The following MARK3 variants were observed in gnomAD, a reference collection of about 807,000 sequenced individuals.
The protein encoded by MARK3 is microtubule affinity regulating kinase 3.
Under a neutral mutation model 90.1 loss-of-function variants are expected in MARK3, and 46 were observed. The ratio of observed to expected loss-of-function variants is 0.51; its 90% CI spans 0.40 to 0.65. The LOEUF (loss-of-function observed/expected upper bound fraction) is 0.65, where lower values mean the gene tolerates loss of function less well. MARK3 is among the 30% of genes least tolerant of loss of function. The pLI is 0.00. For missense variants in MARK3, 818 were observed against 947.2 expected (o/e 0.86, Z 1.79); for synonymous variants, 321 against 332.6 (o/e 0.97, Z 0.38).
At chr14:103,398,208 G>A (rs2140537435) in intron 1 of MARK3, among the ~76,000 whole-genome samples, 1 of 152,302 alleles carries the variant, frequency 6.6e-6, no homozygotes, top group East Asian at 1.9e-4. Flanking sequence ...CAATGTAAGA[G>A]TTTCTTTGGG....
rs539905901 is a variant in MARK3, at chr14:103,388,534, T to G, written c.51+2454T>G. 2.0e-5 allele frequency among the ~76,000 whole-genome samples: 3 copies of G among 152,344 alleles called. No individual in the cohort carries two copies. In the East Asian group the frequency reaches 5.8e-4, roughly 29 times the overall value. On this transcript the variant is annotated intron_variant, in intron 1 of 17. Transcript: ENST00000429436. The stretch of plus-strand genomic sequence containing the variant: ...GAACCTTTTTTCTTAAAGTTAGGTT[T>G]GTTGAGATGTAATGTTCATCTGTTT...
At chr14:103,399,332 C>T (rs186006857) in intron 1 of MARK3, among the ~76,000 whole-genome samples, 5 of 152,186 alleles carry the variant, frequency 3.3e-5, no homozygotes, top group Admixed American at 2.6e-4. Context: ...GTTGATATGG[C>T]CCCTATGTCA....
chr14:103,421,074 C>T (rs1006833048), intron 2 of MARK3, among the ~76,000 whole-genome samples: 2 of 152,152 alleles, frequency 1.3e-5, no homozygotes, highest in Non-Finnish European at 2.9e-5. Flanking sequence ...AAACTCTGGA[C>T]AGTTGAGTTT....
At chr14:103,484,369 G>A (rs2093884790) in intron 14 of MARK3, among the ~76,000 whole-genome samples, 1 of 151,956 alleles carries the variant, frequency 6.6e-6, no homozygotes, top group Non-Finnish European at 1.5e-5. Context: ...TAGAAATGGG[G>A]TTTCACTAGG....
intron 14 of MARK3, among the ~76,000 whole-genome samples, chr14:103,483,780 A>T (rs942412354): frequency 6.6e-6 from 1 of 152,234 alleles, no homozygotes; most frequent in Non-Finnish European, 1.5e-5. Context: ...GCCAGATTCC[A>T]GGCGTGACTA....
intron 6 of MARK3, among the ~76,000 whole-genome samples, chr14:103,460,103 T>TTTTTTTG (rs1338684666): frequency 1.8e-5 from 2 of 110,480 alleles, no homozygotes; most frequent in African/African-American, 7.3e-5. Flanking sequence ...TTTTTTTTTT[T>TTTTTTTG]TGAGACAAAT....
At chr14:103,397,561 G>A (rs775290016) in intron 1 of MARK3, among the ~76,000 whole-genome samples, 1 of 151,952 alleles carries the variant, frequency 6.6e-6, no homozygotes, top group African/African-American at 2.4e-5. Context: ...TCCTGACCTT[G>A]TGATCCTCCT....
chr14:103,500,287 ACTGTATTCCTG>A, intron 17 of MARK3, 87 bp downstream of exon 17: 6 of 985,282 alleles, frequency 6.1e-6, no homozygotes, highest in Non-Finnish European at 9.0e-6. Context: ...AATGTTCCCT[ACTGTATTCCTG>A]CTGTCTCTGT....
At chr14:103,434,878 T>C (rs751981671) in intron 3 of MARK3, among the ~76,000 whole-genome samples, 1 of 152,178 alleles carries the variant, frequency 6.6e-6, no homozygotes, top group Non-Finnish European at 1.5e-5. Flanking sequence ...GGGTTATTCA[T>C]TGTGCCCCTC....
Position 103,492,147 on chromosome 14 carries a change from T to C in MARK3, c.1844+113T>C. The C allele has an allele frequency of 1.6e-6, 2 of 1,232,342 alleles. 1 individual carries two copies. The highest frequency in any genetic ancestry group is 3.1e-5 in the South Asian group (2 of 64,716). 76.3% of individuals were successfully genotyped at this position (1,232,342 alleles called of 1,614,324 possible). A position where few individuals can be genotyped will look rare whatever the true frequency, so the allele number is the denominator to read the frequency against. Reference sequence around the variant, plus strand: ...GGATGCTTTTCAGTCTGCCTTCAGCTCATGGTTTTCTGGTTTTATATATAT... The same window carrying C: ...GGATGCTTTTCAGTCTGCCTTCAGCCCATGGTTTTCTGGTTTTATATATAT... On this transcript the variant is annotated intron_variant, in intron 15 of 17. Coordinates refer to ENST00000429436, the MANE Select transcript of MARK3 (RefSeq NM_001128918.3).
chr14:103,404,972 T>C, intron 1 of MARK3, 104 bp from the exon 2 acceptor site: 1 of 780,766 alleles, frequency 1.3e-6, no homozygotes, highest in Non-Finnish European at 2.0e-6. Flanking sequence ...ACTTTAAGAT[T>C]AAAATTAAAG....
At chr14:103,489,718 C>G (rs551586281) in intron 14 of MARK3, 1 of 152,288 alleles carries the variant, frequency 6.6e-6, no homozygotes, top group Admixed American at 6.5e-5. Flanking sequence ...TGCAGAAAGA[C>G]ACTGGAAGAG....
intron 3 of MARK3, among the ~76,000 whole-genome samples, chr14:103,432,516 G>T (rs1682495093): frequency 6.6e-6 from 1 of 151,408 alleles, no homozygotes; most frequent in Non-Finnish European, 1.5e-5. Flanking sequence ...GTCCCTATGA[G>T]CTGAGCAGAA....
Position 103,466,025 on chromosome 14 carries a change from T to G in MARK3, c.831T>G (p.Ser277=). Residue 277 remains serine (S), a synonymous_variant, in exon 9 of 18, where the codon TCT becomes TCG. Coordinates refer to ENST00000429436, the MANE Select transcript of MARK3 (RefSeq NM_001128918.3). ...AATACAGAATTCCCTTCTACATGTCTACAGACTGTGAAAACCTTCTCAAAC... is the reference window on the plus strand; with the variant it reads ...AATACAGAATTCCCTTCTACATGTCGACAGACTGTGAAAACCTTCTCAAAC... ...RGKYRIPFYM[S]TDCENLLKRF... is the part of the protein sequence containing the mutation. 2 of 1,613,942 alleles carry G rather than the reference T, an allele frequency of 1.2e-6. No individual in the cohort carries two copies. The highest frequency in any genetic ancestry group is 8.5e-7 in the Non-Finnish European group (1 of 1,179,860).
chr14:103,386,217 G>A (rs2140403496), intron 1 of MARK3, 137 bp downstream of exon 1: 2 of 850,684 alleles, frequency 2.4e-6, no homozygotes, highest in Admixed American at 3.8e-5. Context: ...CCAGGAGGCA[G>A]CCAGGTCGGA....
intron 2 of MARK3, among the ~76,000 whole-genome samples, chr14:103,423,851 TGA>T: frequency 6.6e-6 from 1 of 152,344 alleles, no homozygotes; most frequent in South Asian, 2.1e-4. Flanking sequence ...GAAACATATT[TGA>T]GCTCCTATTT....
chr14:103,393,879 C>A (rs1428641989), intron 1 of MARK3, among the ~76,000 whole-genome samples: 2 of 151,868 alleles, frequency 1.3e-5, no homozygotes, highest in African/African-American at 4.8e-5. Flanking sequence ...GTTACAGGCA[C>A]ACACCACCAT....
chr14:103,498,139 C>T (rs74704800), intron 15 of MARK3, among the ~76,000 whole-genome samples: 111 of 151,810 alleles, frequency 7.3e-4, no homozygotes, highest in African/African-American at 2.6e-3. Context: ...ATTGCTTCAA[C>T]CCGGGAGGCA....
At chr14:103,499,882 C>CAGTGTGG in intron 16 of MARK3, 1 of 309,350 alleles carries the variant, frequency 3.2e-6, no homozygotes, top group Non-Finnish European at 5.9e-6. Context: ...GTGCAGTGTG[C>CAGTGTGG]AGCGTGCAGC....
Sources: gnomAD v4.1 joint callset for allele counts (sites outside exome capture counted in the v4.1 genomes callset) on GRCh38, gnomAD v4.1.1 for gene constraint, MANE v1.5 for transcripts, NCBI Gene and HGNC (gene_info 2026-07-23, HGNC 2026-07-21) for gene names.